ULK4: variants seen among roughly 807,000 people sequenced by gnomAD.
ULK4 encodes the protein unc-51 like kinase 4.
ULK4 carries 133 observed loss-of-function variants against 160.6 expected under a neutral mutation model. The ratio of observed to expected loss-of-function variants is 0.83; its 90% CI spans 0.72 to 0.96. The LOEUF (loss-of-function observed/expected upper bound fraction) is 0.96. Ranked by LOEUF, ULK4 falls within the 40% of genes least tolerant of loss-of-function variation. The pLI is 0.00. For missense variants in ULK4, 1,580 were observed against 1,499.5 expected (o/e 1.05, Z -0.89); for synonymous variants, 534 against 539.8 (o/e 0.99, Z 0.15).
chr3:41,283,418 C>G (rs1374320426), intron 35 of ULK4, among the ~76,000 whole-genome samples: 1 of 152,152 alleles, frequency 6.6e-6, no homozygotes, highest in Non-Finnish European at 1.5e-5. Flanking sequence ...CAATGATAGA[C>G]TGGATTAAGA....
At chr3:41,425,946 A>C (rs1341176394) in intron 34 of ULK4, among the ~76,000 whole-genome samples, 1 of 152,210 alleles carries the variant, frequency 6.6e-6, no homozygotes, top group Non-Finnish European at 1.5e-5. Flanking sequence ...CCTTAAATGT[A>C]AAACAGCATA....
intron 35 of ULK4, among the ~76,000 whole-genome samples, chr3:41,382,880 T>A (rs571386300): frequency 1.3e-5 from 2 of 152,178 alleles, no homozygotes; most frequent in African/African-American, 2.4e-5. Flanking sequence ...GAAAGAGATA[T>A]ATTCCTATGA....
chr3:41,935,209 ATTTTTTT>A lies in ULK4; in HGVS notation c.378+585_378+591del, dbSNP rs10524611. Reference sequence around the variant, plus strand: ...TTTTTGTGTTTTTATTTATTTATTTATTTTTTTTTTTTTTTTTTTTTTTTTTTTTTTT... The same window carrying A: ...TTTTTGTGTTTTTATTTATTTATTTATTTTTTTTTTTTTTTTTTTTTTTTT... On this transcript the variant is annotated intron_variant, in intron 4 of 36. Coordinates refer to ENST00000301831, the MANE Select transcript of ULK4 (RefSeq NM_017886.4). 4.1e-4 allele frequency among the ~76,000 whole-genome samples: 55 copies of A among 135,508 alleles called. 1 individual carries two copies. Among genetic ancestry groups the A allele is most frequent in the African/African-American group, 1.7e-3 (52 of 30,544 alleles). The allele number at this position is 135,508 out of a possible 152,430, so 88.9% of individuals were successfully genotyped here.
intron 20 of ULK4, among the ~76,000 whole-genome samples, chr3:41,799,754 T>G (rs1001826598): frequency 6.6e-6 from 1 of 152,054 alleles, no homozygotes; most frequent in African/African-American, 2.4e-5. Context: ...TCCCAGCTAC[T>G]TGGGAGGCTG....
intron 32 of ULK4, among the ~76,000 whole-genome samples, chr3:41,563,727 C>G (rs1171435126): frequency 6.6e-6 from 1 of 152,144 alleles, no homozygotes; most frequent in Non-Finnish European, 1.5e-5. Flanking sequence ...TTAAGGTCTT[C>G]TCTACACTGT....
At chr3:41,614,776 T>A (rs2032877302) in intron 31 of ULK4, among the ~76,000 whole-genome samples, 1 of 152,174 alleles carries the variant, frequency 6.6e-6, no homozygotes, top group Admixed American at 6.5e-5. Flanking sequence ...ACACAAACGA[T>A]TTATAGAATA....
At chr3:41,516,791 G>A (rs2085763874) in intron 32 of ULK4, among the ~76,000 whole-genome samples, 1 of 152,166 alleles carries the variant, frequency 6.6e-6, no homozygotes, top group Non-Finnish European at 1.5e-5. Flanking sequence ...GGTGACTATA[G>A]TCAATAATAA....
intron 32 of ULK4, among the ~76,000 whole-genome samples, chr3:41,480,125 T>G (rs552532652): frequency 2.2e-4 from 32 of 147,000 alleles, no homozygotes; most frequent in African/African-American, 7.8e-4. Context: ...GAGAATGACG[T>G]GAACCTGGGA....
intron 35 of ULK4, among the ~76,000 whole-genome samples, chr3:41,255,463 A>G (rs1303571886): frequency 6.6e-6 from 1 of 152,184 alleles, no homozygotes; most frequent in Non-Finnish European, 1.5e-5. Flanking sequence ...AGCTTGGGCA[A>G]CAAGAGCGAA....
At chr3:41,747,290 C>A (rs527620068) in intron 22 of ULK4, among the ~76,000 whole-genome samples, 1 of 151,844 alleles carries the variant, frequency 6.6e-6, no homozygotes, top group Non-Finnish European at 1.5e-5. Context: ...AAAGAACTCT[C>A]GAAATTCCAT....
At chr3:41,760,919 G>A (rs1210233407) in intron 21 of ULK4, among the ~76,000 whole-genome samples, 1 of 152,204 alleles carries the variant, frequency 6.6e-6, no homozygotes, top group South Asian at 2.1e-4. Flanking sequence ...GTACTCAGCA[G>A]TAATGAACTA....
chr3:41,838,359 T>A (rs755664404), intron 17 of ULK4, among the ~76,000 whole-genome samples: 1 of 152,096 alleles, frequency 6.6e-6, no homozygotes, highest in Non-Finnish European at 1.5e-5. Flanking sequence ...TATATAAAAA[T>A]GAGAGAGGGT....
rs1207157994 is a variant in ULK4 at position 41,713,303 on chromosome 3, G to T, written c.2634+1934C>A. Among the ~76,000 whole-genome samples the T allele has an allele frequency of 9.9e-5, 15 of 152,166 alleles. 1 individual carries two copies. Among genetic ancestry groups the T allele is most frequent in the Non-Finnish European group, 1.8e-4 (12 of 68,036 alleles). ...TTTTGCTATCTTCTGGAAAAATTATGAATTCATAGAAGCAACATTCAACTC... is the reference window on the plus strand; with the variant it reads ...TTTTGCTATCTTCTGGAAAAATTATTAATTCATAGAAGCAACATTCAACTC... On this transcript the variant is annotated intron_variant, in intron 25 of 36. Transcript: ENST00000301831.
chr3:41,661,510 TGATA>T (rs1553629446), intron 30 of ULK4, among the ~76,000 whole-genome samples: 543 of 119,264 alleles, frequency 4.6e-3, no homozygotes, highest in Non-Finnish European at 4.8e-3. Context: ...GATAGATAGA[TGATA>T]GATAGATAGA....
chr3:41,364,737 C>G (rs1441884922), intron 35 of ULK4, among the ~76,000 whole-genome samples: 1 of 152,144 alleles, frequency 6.6e-6, no homozygotes, highest in African/African-American at 2.4e-5. Context: ...AATTGGAGTT[C>G]CAGTCCTCTT....
At chr3:41,645,935 A>G (rs1438814514) in intron 30 of ULK4, among the ~76,000 whole-genome samples, 1 of 152,076 alleles carries the variant, frequency 6.6e-6, no homozygotes, top group Non-Finnish European at 1.5e-5. Flanking sequence ...TGATCCCTTT[A>G]CCATTATGTA....
intron 31 of ULK4, among the ~76,000 whole-genome samples, chr3:41,589,634 T>G (rs1199404103): frequency 1.3e-5 from 2 of 152,058 alleles, no homozygotes; most frequent in Non-Finnish European, 2.9e-5. Flanking sequence ...ACTCCTAAAA[T>G]AAAGGCACTT....
At chr3:41,799,171 G>C (rs1229231930) in intron 20 of ULK4, among the ~76,000 whole-genome samples, 4 of 152,090 alleles carry the variant, frequency 2.6e-5, no homozygotes, top group East Asian at 1.9e-4. Flanking sequence ...AGCTGAACTA[G>C]AGAAATACAA....
chr3:41,612,438 A>C (rs921828134), intron 31 of ULK4, among the ~76,000 whole-genome samples: 3 of 152,070 alleles, frequency 2.0e-5, no homozygotes, highest in African/African-American at 7.2e-5. Context: ...TAATGCTCCT[A>C]CCTGATCATG....
Sources: gnomAD v4.1 joint callset for allele counts (sites outside exome capture counted in the v4.1 genomes callset) on GRCh38, gnomAD v4.1.1 for gene constraint, MANE v1.5 for transcripts, NCBI Gene and HGNC (gene_info 2026-07-23, HGNC 2026-07-21) for gene names.